CDH2: variants seen among roughly 807,000 people sequenced by gnomAD.
CDH2 encodes the protein cadherin 2.
Under a neutral mutation model 92.0 loss-of-function variants are expected in CDH2, and 17 were observed. The ratio of observed to expected loss-of-function variants is 0.18; its 90% CI spans 0.13 to 0.28. The LOEUF is 0.28. Among genes scored for constraint, CDH2 ranks in the 10% least tolerant of loss-of-function variants. The pLI, the probability that CDH2 is intolerant of heterozygous loss-of-function variation, is 1.00. For missense variants in CDH2, 862 were observed against 1,133.1 expected, an observed-to-expected ratio of 0.76 and a Z score of 3.44; for synonymous variants, 419 against 415.9, an observed-to-expected ratio of 1.01 and a Z score of -0.09.
chr18:28,175,658 A>G (rs1032803511), intron 1 of CDH2, among the ~76,000 whole-genome samples: 1 of 151,962 alleles, frequency 6.6e-6, no homozygotes, highest in Admixed American at 6.6e-5. Flanking sequence ...CCAGGCCCTG[A>G]CCCGTGAAGA....
chr18:28,012,824 T>A (rs550086694), intron 3 of CDH2, among the ~76,000 whole-genome samples: 1 of 152,214 alleles, frequency 6.6e-6, no homozygotes, highest in Admixed American at 6.5e-5. Context: ...TCCTCTGATA[T>A]ATTATTCATG....
At chr18:28,094,485 C>G (rs1567996025) in intron 2 of CDH2, among the ~76,000 whole-genome samples, 1 of 150,032 alleles carries the variant, frequency 6.7e-6, no homozygotes, top group East Asian at 2.0e-4. Context: ...TAGACTCTGT[C>G]CTTAAAAAAA....
intron 2 of CDH2, among the ~76,000 whole-genome samples, chr18:28,077,634 T>A (rs1031862467): frequency 2.0e-5 from 3 of 152,084 alleles, no homozygotes. Context: ...CTCACGCCTG[T>A]AATCCCACCA....
chr18:28,101,932 G>A (rs2015233223), intron 2 of CDH2, among the ~76,000 whole-genome samples: 1 of 152,002 alleles, frequency 6.6e-6, no homozygotes, highest in African/African-American at 2.4e-5. Context: ...GTTTTTCTCT[G>A]CCCTCTCCAT....
At chr18:28,170,306 C>G (rs896874966) in intron 1 of CDH2, among the ~76,000 whole-genome samples, 7 of 152,284 alleles carry the variant, frequency 4.6e-5, no homozygotes, top group African/African-American at 1.7e-4. Flanking sequence ...CATTCAGAAG[C>G]CTGAAATCCT....
chr18:27,978,159 G>C (rs1320035827), intron 14 of CDH2, among the ~76,000 whole-genome samples: 1 of 152,076 alleles, frequency 6.6e-6, no homozygotes, highest in Non-Finnish European at 1.5e-5. Context: ...TTAGAAAGTG[G>C]AGTACTTGTA....
At chr18:28,136,194 A>T (rs1048218606) in intron 2 of CDH2, among the ~76,000 whole-genome samples, 3 of 152,230 alleles carry the variant, frequency 2.0e-5, no homozygotes, top group Admixed American at 2.0e-4. Context: ...TGCTAACTAA[A>T]GTCAAGAACA....
intron 2 of CDH2, among the ~76,000 whole-genome samples, chr18:28,103,480 T>TACAC (rs58340426): frequency 6.8e-6 from 1 of 146,618 alleles, no homozygotes; most frequent in Admixed American, 7.0e-5. Context: ...TGTATATATA[T>TACAC]ACACACACAC....
At chr18:28,149,304 T>A (rs2016085821) in intron 1 of CDH2, among the ~76,000 whole-genome samples, 1 of 152,076 alleles carries the variant, frequency 6.6e-6, no homozygotes, top group African/African-American at 2.4e-5. Context: ...GACTAATACA[T>A]CATCACAAAG....
At chr18:28,107,111 T>C (rs1158999320) in intron 2 of CDH2, among the ~76,000 whole-genome samples, 2 of 152,120 alleles carry the variant, frequency 1.3e-5, no homozygotes, top group African/African-American at 4.8e-5. Flanking sequence ...ACTGCAGCAA[T>C]ATTTCTGGAA....
intron 2 of CDH2, among the ~76,000 whole-genome samples, chr18:28,029,362 C>A (rs886238930): frequency 2.0e-5 from 3 of 151,756 alleles, no homozygotes; most frequent in South Asian, 2.1e-4. Context: ...TCTTAAAATG[C>A]CAGTTATTTT....
intron 2 of CDH2, among the ~76,000 whole-genome samples, chr18:28,145,543 T>A (rs933812731): frequency 6.6e-6 from 1 of 151,992 alleles, no homozygotes; most frequent in Non-Finnish European, 1.5e-5. Context: ...TAGCATTGGA[T>A]TATCCTTCTA....
In CDH2 at chr18:27,942,674, A is replaced by G. The variant is rs139976354; in HGVS notation, c.1152-9550T>C. The stretch of plus-strand genomic sequence containing the variant: ...AAAAGATTCATCTTTCTTAGTGGAG[A>G]AGAAAATGAGTTTCTGCTAGCAGAC... On this transcript the variant is annotated intron_variant, in intron 6 of 6. Coordinates refer to the CDH2 transcript ENST00000675173. 2.3e-3 allele frequency among the ~76,000 whole-genome samples: 346 copies of G among 152,318 alleles called. 1 individual carries two copies. The highest frequency in any genetic ancestry group is 8.0e-3 in the African/African-American group (334 of 41,558).
chr18:28,136,675 A>C lies in CDH2; in HGVS notation c.172+10998T>G, dbSNP rs17494932. On this transcript the variant is annotated intron_variant, in intron 2 of 15. Coordinates refer to ENST00000269141, the MANE Select transcript of CDH2 (RefSeq NM_001792.5). ...AGACAAGAAAGAAGACTTAATTTATAACCTCCAAAGTACAACACCTCCAAA... is the reference window on the plus strand; with the variant it reads ...AGACAAGAAAGAAGACTTAATTTATCACCTCCAAAGTACAACACCTCCAAA... 5.8e-3 allele frequency among the ~76,000 whole-genome samples: 877 copies of C among 152,324 alleles called. 10 individuals are homozygous for C. The highest frequency in any genetic ancestry group is 0.02 in the African/African-American group (839 of 41,588).
chr18:28,031,131 T>C (rs983912756), intron 2 of CDH2, among the ~76,000 whole-genome samples: 3 of 151,562 alleles, frequency 2.0e-5, no homozygotes, highest in African/African-American at 7.3e-5. Flanking sequence ...CTTGGAAATC[T>C]AATAAGCAAC....
At chr18:28,152,399 A>T (rs956634027) in intron 1 of CDH2, among the ~76,000 whole-genome samples, 1 of 152,268 alleles carries the variant, frequency 6.6e-6, no homozygotes, top group South Asian at 2.1e-4. Context: ...GGAGCTCAAG[A>T]TTTAATGTGG....
At chr18:28,161,580 G>GAA (rs35615619) in intron 1 of CDH2, among the ~76,000 whole-genome samples, 19 of 49,718 alleles carry the variant, frequency 3.8e-4, no homozygotes, top group East Asian at 1.2e-3. Flanking sequence ...ACCCTGTCTC[G>GAA]AAAAAAAAAA....
chr18:27,992,581 A>G, intron 9 of CDH2, 74 bp downstream of exon 9: 1 of 1,252,558 alleles, frequency 8.0e-7, no homozygotes, highest in Non-Finnish European at 1.1e-6. Flanking sequence ...CCATTGCAAA[A>G]CAATGAGTGG....
chr18:28,160,097 C>T (rs1437824840), intron 1 of CDH2, among the ~76,000 whole-genome samples: 1 of 151,970 alleles, frequency 6.6e-6, no homozygotes, highest in Non-Finnish European at 1.5e-5. Flanking sequence ...GCTTGACCAC[C>T]ACTTAGGTAG....
Sources: gnomAD v4.1 joint callset for allele counts (sites outside exome capture counted in the v4.1 genomes callset) on GRCh38, gnomAD v4.1.1 for gene constraint, MANE v1.5 for transcripts, NCBI Gene and HGNC (gene_info 2026-07-23, HGNC 2026-07-21) for gene names.